Variants in SFMBT2 observed in about 807,000 individuals in gnomAD.
SFMBT2 encodes Scm like with four mbt domains 2.
A neutral mutation model predicts 110.1 loss-of-function variants in SFMBT2; 38 were observed. That is an observed-to-expected ratio of 0.35 (90% confidence interval 0.27 to 0.45). SFMBT2 has a LOEUF of 0.45. SFMBT2 is among the 20% of genes least tolerant of loss of function. The probability of loss-of-function intolerance (pLI) is 1.00; values close to 1 mark genes in which losing one functional copy is unlikely to be tolerated. For missense variants in SFMBT2, 1,011 were observed against 1,094.9 expected (o/e 0.92, Z 1.08); for synonymous variants, 425 against 425.4 (o/e 1.00, Z 0.01).
At chr10:7,314,275 A>G (rs1842929359) in intron 4 of SFMBT2, among the ~76,000 whole-genome samples, 1 of 152,274 alleles carries the variant, frequency 6.6e-6, no homozygotes, top group Admixed American at 6.5e-5. Flanking sequence ...AAACAGTTTT[A>G]GTTGTTTCCA....
intron 7 of SFMBT2, among the ~76,000 whole-genome samples, chr10:7,275,601 A>G (rs966524529): frequency 9.9e-5 from 15 of 152,220 alleles, no homozygotes; most frequent in Non-Finnish European, 2.1e-4. Context: ...GTCGGTCAAT[A>G]TCATGCTAAC....
intron 4 of SFMBT2, among the ~76,000 whole-genome samples, chr10:7,289,617 C>T (rs1388546685): frequency 6.6e-6 from 1 of 152,170 alleles, no homozygotes; most frequent in Non-Finnish European, 1.5e-5. Context: ...TAAACGTATA[C>T]AGACCACTTT....
intron 14 of SFMBT2, chr10:7,198,088 C>T (rs768377199): frequency 5.1e-5 from 50 of 985,198 alleles, no homozygotes; most frequent in Non-Finnish European, 5.7e-5. Flanking sequence ...AGTGTGTCAA[C>T]TTCACCACAC....
At chr10:7,168,654 C>T (rs966073604) in intron 20 of SFMBT2, among the ~76,000 whole-genome samples, 3 of 152,252 alleles carry the variant, frequency 2.0e-5, no homozygotes, top group Non-Finnish European at 2.9e-5. Flanking sequence ...CAATAAATGC[C>T]AGACAGGCAA....
In SFMBT2 at chr10:7,331,959, G is replaced by A. The variant is rs542462693; in HGVS notation, c.436+35690C>T. On this transcript the variant is annotated intron_variant, in intron 4 of 20. Transcript: ENST00000397167. ...TCAGAGGCAGAGGTTGCACTGAGCC[G>A]AGATCATCACACCATTGCACTACAG... Among the ~76,000 whole-genome samples, 17 of 145,438 alleles carry A rather than the reference G, an allele frequency of 1.2e-4. No individual in the cohort carries two copies. In the South Asian group the frequency reaches 2.4e-3, roughly 21 times the overall value.
chr10:7,324,107 T>C (rs1310699172), intron 4 of SFMBT2, among the ~76,000 whole-genome samples: 1 of 152,252 alleles, frequency 6.6e-6, no homozygotes, highest in Non-Finnish European at 1.5e-5. Flanking sequence ...ATATTGCCTA[T>C]GCACACACAA....
chr10:7,266,954 G>A (rs952876526), intron 7 of SFMBT2, among the ~76,000 whole-genome samples: 1 of 152,088 alleles, frequency 6.6e-6, no homozygotes, highest in Non-Finnish European at 1.5e-5. Flanking sequence ...CTGGAAATGT[G>A]GCTGATAAAA....
chr10:7,267,344 A>G (rs1333659579), intron 7 of SFMBT2, among the ~76,000 whole-genome samples: 2 of 152,230 alleles, frequency 1.3e-5, no homozygotes, highest in African/African-American at 4.8e-5. Flanking sequence ...TCCTTTCAGT[A>G]AATTACCAAA....
At chr10:7,286,370 A>G in intron 4 of SFMBT2, 1 of 970,750 alleles carries the variant, frequency 1.0e-6, no homozygotes. Flanking sequence ...ATACAGTTTC[A>G]GAAGAAGAAG....
intron 5 of SFMBT2, 111 bp downstream of exon 5, chr10:7,285,755 C>A: frequency 1.4e-6 from 1 of 703,798 alleles, no homozygotes; most frequent in South Asian, 1.6e-5. Context: ...ATGGCAGTGT[C>A]TGCAGAAAGC....
intron 12 of SFMBT2, chr10:7,204,533 G>T (rs565419710): frequency 8.4e-6 from 8 of 948,772 alleles, no homozygotes; most frequent in Middle Eastern, 5.5e-4. Flanking sequence ...TATTAGGTTA[G>T]AAGATTTTTA....
intron 9 of SFMBT2, among the ~76,000 whole-genome samples, chr10:7,230,303 A>G (rs1840078840): frequency 1.3e-5 from 2 of 152,172 alleles, no homozygotes; most frequent in Admixed American, 6.5e-5. Context: ...ATTTCTAGAC[A>G]GGACCAGAGC....
intron 17 of SFMBT2, among the ~76,000 whole-genome samples, chr10:7,175,209 A>C (rs1285728467): frequency 6.6e-6 from 1 of 152,238 alleles, no homozygotes; most frequent in Non-Finnish European, 1.5e-5. Context: ...GGGGAGACGC[A>C]GGAAACTCAG....
intron 11 of SFMBT2, among the ~76,000 whole-genome samples, chr10:7,210,383 C>T (rs768049211): frequency 6.6e-6 from 1 of 152,148 alleles, no homozygotes; most frequent in Non-Finnish European, 1.5e-5. Flanking sequence ...CATGCATGAG[C>T]TTGGGGTGAG....
At chr10:7,239,827 G>A (rs1425258402) in intron 9 of SFMBT2, among the ~76,000 whole-genome samples, 1 of 152,188 alleles carries the variant, frequency 6.6e-6, no homozygotes, top group Non-Finnish European at 1.5e-5. Context: ...GAACAGCAGT[G>A]AAGTGTGGAT....
At chr10:7,273,861 G>C (rs1329641502) in intron 7 of SFMBT2, among the ~76,000 whole-genome samples, 1 of 152,220 alleles carries the variant, frequency 6.6e-6, no homozygotes, top group Non-Finnish European at 1.5e-5. Flanking sequence ...CATTGTGAAA[G>C]ACAGTGTGGC....
At chr10:7,309,986 C>T (rs879271777) in intron 4 of SFMBT2, among the ~76,000 whole-genome samples, 1 of 152,144 alleles carries the variant, frequency 6.6e-6, no homozygotes, top group Admixed American at 6.5e-5. Flanking sequence ...TTGTAGGGGA[C>T]AGCGCTGTAT....
intron 11 of SFMBT2, among the ~76,000 whole-genome samples, chr10:7,217,583 C>G: frequency 6.6e-6 from 1 of 152,236 alleles, no homozygotes; most frequent in African/African-American, 2.4e-5. Flanking sequence ...GGCGAACCTT[C>G]TTCTGGGCTA....
chr10:7,261,445 C>A (rs529708142), intron 7 of SFMBT2, among the ~76,000 whole-genome samples: 1 of 152,184 alleles, frequency 6.6e-6, no homozygotes, highest in African/African-American at 2.4e-5. Flanking sequence ...TCAGAATCTT[C>A]GGATGCTCAG....
Sources: allele counts gnomAD v4.1 joint callset (sites outside exome capture counted in the v4.1 genomes callset), GRCh38; gene constraint gnomAD v4.1.1; transcripts MANE v1.5; gene names NCBI Gene and HGNC (gene_info 2026-07-23, HGNC 2026-07-21).